FTCDNL1: variants seen among roughly 807,000 people sequenced by gnomAD.
The protein encoded by FTCDNL1 is formiminotransferase cyclodeaminase N-terminal like.
FTCDNL1 carries 11 observed loss-of-function variants against 5.9 expected under a neutral mutation model. The observed-to-expected ratio is 1.87, with a 90% confidence interval of 1.18 to 3.10. FTCDNL1 has a LOEUF of 3.10. Ranked by LOEUF, FTCDNL1 falls within the 30% of genes most tolerant of loss-of-function variation. The probability of loss-of-function intolerance (pLI) is 0.00; values close to 1 mark genes in which losing one functional copy is unlikely to be tolerated. For synonymous variants in FTCDNL1, 58 were observed against 24.8 expected, an observed-to-expected ratio of 2.34 and a Z score of -3.99; for missense variants, 115 against 65.5, an observed-to-expected ratio of 1.76 and a Z score of -2.61.
intron 3 of FTCDNL1, among the ~76,000 whole-genome samples, chr2:199,796,390 C>T (rs1700171058): frequency 6.6e-6 from 1 of 152,154 alleles, no homozygotes; most frequent in Non-Finnish European, 1.5e-5. Context: ...ATCCAATGGA[C>T]TTATCCTCAA....
At chr2:199,709,386 C>A in the FTCDNL1 span, among the ~76,000 whole-genome samples, 1 of 152,248 alleles carries the variant, frequency 6.6e-6, no homozygotes, top group Non-Finnish European at 1.5e-5. Context: ...AACAGCCCCC[C>A]TCATTTTCCA....
At chr2:199,691,006 T>G in the FTCDNL1 span, among the ~76,000 whole-genome samples, 1 of 152,190 alleles carries the variant, frequency 6.6e-6, no homozygotes, top group Non-Finnish European at 1.5e-5. Context: ...GACCCACATA[T>G]ACAAACATAG....
At chr2:199,704,765 G>A in the FTCDNL1 span, among the ~76,000 whole-genome samples, 4 of 151,988 alleles carry the variant, frequency 2.6e-5, no homozygotes, top group South Asian at 6.2e-4. Context: ...AATCAGCAAA[G>A]AAAGCAGCCA....
At chr2:199,844,641 G>T (rs1448357255) in intron 3 of FTCDNL1, 3 of 421,610 alleles carry the variant, frequency 7.1e-6, no homozygotes, top group East Asian at 7.0e-5. Flanking sequence ...AATCTGTGTA[G>T]AAGATTTTTT....
At chr2:199,758,771 A>G (rs182237127), downstream of FTCDNL1, among the ~76,000 whole-genome samples, 1 of 152,272 alleles carries the variant, frequency 6.6e-6, no homozygotes, top group African/African-American at 2.4e-5. Flanking sequence ...CAAATTAATC[A>G]GAGTATGTGG....
the FTCDNL1 span, among the ~76,000 whole-genome samples, chr2:199,688,500 G>C: frequency 3.3e-5 from 5 of 151,976 alleles, no homozygotes; most frequent in African/African-American, 4.8e-5. Flanking sequence ...ATTCAGGCTT[G>C]GAAACTACTG....
At chr2:199,826,982 G>T (rs1702077560) in intron 3 of FTCDNL1, among the ~76,000 whole-genome samples, 1 of 152,106 alleles carries the variant, frequency 6.6e-6, no homozygotes, top group Non-Finnish European at 1.5e-5. Flanking sequence ...ATTGTATTAG[G>T]CAAAGATTAT....
chr2:199,824,966 C>T (rs1381454141), intron 3 of FTCDNL1, among the ~76,000 whole-genome samples: 1 of 151,750 alleles, frequency 6.6e-6, no homozygotes, highest in Non-Finnish European at 1.5e-5. Context: ...GGTGAAACCC[C>T]GTCTTTACAA....
the FTCDNL1 span, among the ~76,000 whole-genome samples, chr2:199,667,088 A>C: frequency 1.3e-5 from 2 of 152,080 alleles, no homozygotes; most frequent in African/African-American, 2.4e-5. Flanking sequence ...CACTCTGAAG[A>C]TGACATTCTA....
the FTCDNL1 span, among the ~76,000 whole-genome samples, chr2:199,696,584 C>T: frequency 6.6e-6 from 1 of 151,912 alleles, no homozygotes; most frequent in Non-Finnish European, 1.5e-5. Flanking sequence ...AGCCAGTCAA[C>T]TGAATCCAAC....
At chr2:199,717,115 T>C in the FTCDNL1 span, among the ~76,000 whole-genome samples, 4 of 152,130 alleles carry the variant, frequency 2.6e-5, no homozygotes, top group Non-Finnish European at 5.9e-5. Flanking sequence ...CAAAGAGCAA[T>C]AGAGAATATG....
At chr2:199,830,053 A>T (rs1021631243) in intron 3 of FTCDNL1, among the ~76,000 whole-genome samples, 16 of 152,158 alleles carry the variant, frequency 1.1e-4, no homozygotes, top group African/African-American at 3.9e-4. Flanking sequence ...GAAAAAAAAA[A>T]AGCTCAAAAT....
chr2:199,675,966 T>C, the FTCDNL1 span, among the ~76,000 whole-genome samples: 15 of 152,148 alleles, frequency 9.9e-5, no homozygotes, highest in African/African-American at 3.1e-4. Flanking sequence ...TGCCCAGACT[T>C]GTGTCCAGTT....
the FTCDNL1 span, among the ~76,000 whole-genome samples, chr2:199,735,556 A>G: frequency 6.6e-6 from 1 of 152,000 alleles, no homozygotes; most frequent in Admixed American, 6.6e-5. Flanking sequence ...TTCCCTAGAC[A>G]TATCTTTAGT....
chr2:199,748,373 G>T, the FTCDNL1 span, among the ~76,000 whole-genome samples: 10 of 150,436 alleles, frequency 6.6e-5, no homozygotes, highest in African/African-American at 1.2e-4. Flanking sequence ...ATTTTTTTTT[G>T]AAAACTATGT....
chr2:199,757,563 A>G (rs7570454), downstream of FTCDNL1, among the ~76,000 whole-genome samples: 906 of 152,170 alleles, frequency 6.0e-3, 7 homozygotes, highest in African/African-American at 0.02. Flanking sequence ...AGATGACCAG[A>G]AAAAAAAGCA....
the FTCDNL1 span, among the ~76,000 whole-genome samples, chr2:199,679,565 T>C: frequency 6.6e-6 from 1 of 152,176 alleles, no homozygotes; most frequent in East Asian, 1.9e-4. Flanking sequence ...TGCCTGTGTT[T>C]TTCTCTATGA....
chr2:199,835,229 A>G (rs17445200), intron 3 of FTCDNL1, among the ~76,000 whole-genome samples: 10,977 of 152,260 alleles, frequency 0.072, 524 homozygotes, highest in Middle Eastern at 0.12. Context: ...CATTGTCACT[A>G]TAACAATCCT....
intron 2 of FTCDNL1, 78 bp from the exon 3 acceptor site, chr2:199,846,248 T>C (rs1559252355): frequency 1.7e-6 from 1 of 600,356 alleles, no homozygotes; most frequent in East Asian, 2.8e-5. Flanking sequence ...TTCTGGTATA[T>C]TTAAATTTAG....
Sources: allele counts gnomAD v4.1 joint callset (sites outside exome capture counted in the v4.1 genomes callset), GRCh38; gene constraint gnomAD v4.1.1; transcripts MANE v1.5; gene names NCBI Gene and HGNC (gene_info 2026-07-23, HGNC 2026-07-21).